The following AGPAT4 variants were observed in gnomAD, a reference collection of about 807,000 sequenced individuals.
AGPAT4 encodes 1-acylglycerol-3-phosphate O-acyltransferase 4.
A neutral mutation model predicts 48.0 loss-of-function variants in AGPAT4; 15 were observed. The observed-to-expected ratio is 0.31, with a 90% CI of 0.21 to 0.48. AGPAT4 has a LOEUF of 0.48. Ranked by LOEUF, AGPAT4 falls within the 20% of genes least tolerant of loss-of-function variation. The pLI is 0.99. For missense variants in AGPAT4, 314 were observed against 482.5 expected, an observed-to-expected ratio of 0.65 and a Z score of 3.27; for synonymous variants, 178 against 198.7, an observed-to-expected ratio of 0.90 and a Z score of 0.88.
intron 2 of AGPAT4, among the ~76,000 whole-genome samples, chr6:161,227,008 A>G (rs1781999549): frequency 6.6e-6 from 1 of 152,194 alleles, no homozygotes; most frequent in Non-Finnish European, 1.5e-5. Context: ...AATGTGCAAA[A>G]AGTACTTTAT....
intron 2 of AGPAT4, among the ~76,000 whole-genome samples, chr6:161,186,004 CT>C (rs1334083111): frequency 6.0e-4 from 92 of 152,284 alleles, no homozygotes; most frequent in African/African-American, 2.0e-3. Context: ...TCTGCCCCTC[CT>C]TTGCTTACTG....
At chr6:161,136,878 A>AATG (rs1779084653) in intron 8 of AGPAT4, among the ~76,000 whole-genome samples, 1 of 152,166 alleles carries the variant, frequency 6.6e-6, no homozygotes, top group East Asian at 1.9e-4. Context: ...CCTGAAGGTG[A>AATG]ATGATTTGGC....
chr6:161,186,901 A>G (rs1292068218), intron 2 of AGPAT4, among the ~76,000 whole-genome samples: 1 of 152,138 alleles, frequency 6.6e-6, no homozygotes, highest in African/African-American at 2.4e-5. Context: ...TCCAAGTTTC[A>G]GTTCAAATAA....
In AGPAT4 at chr6:161,204,719, G is replaced by A. The variant is rs1400290917; in HGVS notation, c.178+27317C>T. Among the ~76,000 whole-genome samples, 1 of 152,060 alleles carries A rather than the reference G, an allele frequency of 6.6e-6. No homozygotes were observed. The highest frequency in any genetic ancestry group is 1.5e-5 in the Non-Finnish European group (1 of 68,014). Reference sequence around the variant, plus strand: ...TTCCCTAAATTCACAGAATATGAGTGCTACAGTGCCAAGCAGAGAGGATAC... The same window carrying A: ...TTCCCTAAATTCACAGAATATGAGTACTACAGTGCCAAGCAGAGAGGATAC... On this transcript the variant is annotated intron_variant, in intron 2 of 8. Coordinates refer to ENST00000320285, the MANE Select transcript of AGPAT4 (RefSeq NM_020133.3). This position sits in a 1 kb window ranked among gnomAD's most constrained non-coding sequence, Gnocchi z 4.4.
Position 161,238,149 on chromosome 6 carries a change from G to A in AGPAT4, c.-89-5847C>T, listed in dbSNP as rs935043381. 7.2e-5 allele frequency among the ~76,000 whole-genome samples: 11 copies of A among 152,148 alleles called. No homozygotes were observed. Among genetic ancestry groups the A allele is most frequent in the Non-Finnish European group, 7.3e-5 (5 of 68,028 alleles). On this transcript the variant is annotated intron_variant, in intron 1 of 8. Transcript: ENST00000320285. This position sits in a 1 kb window ranked among gnomAD's most constrained non-coding sequence, Gnocchi z 5.2. ...GCTTCCGCTGTGGAGAGGGCACTGA[G>A]AGTCAGGCAGTCTGGCTACAAATCC...
At position 161,164,487 on chromosome 6, in the gene AGPAT4, C is replaced by T. The variant is rs1455617690; in HGVS notation, c.348+1761G>A. 3.9e-5 allele frequency among the ~76,000 whole-genome samples: 6 copies of T among 152,256 alleles called. No homozygotes were observed. The highest frequency in any genetic ancestry group is 1.9e-4 in the East Asian group (1 of 5,172). On this transcript the variant is annotated intron_variant, in intron 3 of 8. Transcript: ENST00000320285. The surrounding 1 kb of genome is among the most constrained non-coding windows in gnomAD (Gnocchi z 7.4). ...GGTCCTTACTGCAGCTGGTCTGGGT[C>T]GTTTTAGGATGGTCAGGGTCCTGTT... is the stretch of plus-strand genomic sequence containing the variant.
intron 2 of AGPAT4, among the ~76,000 whole-genome samples, chr6:161,168,629 G>C (rs542450331): frequency 6.6e-6 from 1 of 152,042 alleles, no homozygotes; most frequent in South Asian, 2.1e-4. Flanking sequence ...AACAAATGCC[G>C]CGTGATTACC....
Position 161,154,019 on chromosome 6 carries a change from CTA to C in AGPAT4, c.510+128_510+129del, listed in dbSNP as rs773008062. Reference sequence around the variant, plus strand: ...TACATCCCTGAGGTTATACACAGCCCTATGGTCACACACAGCCCTGGAGTCGC... The same window carrying C: ...TACATCCCTGAGGTTATACACAGCCCTGGTCACACACAGCCCTGGAGTCGC... On this transcript the variant is annotated intron_variant, in intron 4 of 8. Coordinates refer to ENST00000320285, the MANE Select transcript of AGPAT4 (RefSeq NM_020133.3). This position sits in a 1 kb window ranked among gnomAD's most constrained non-coding sequence, Gnocchi z 7.8. The C allele has an allele frequency of 9.6e-6, 12 of 1,252,864 alleles. No individual in the cohort carries two copies. Among genetic ancestry groups the C allele is most frequent in the Non-Finnish European group, 1.4e-5 (12 of 881,120 alleles). The allele number at this position is 1,252,864 out of a possible 1,614,324, so 77.6% of individuals were successfully genotyped here. A position where few individuals can be genotyped will look rare whatever the true frequency, so the allele number is the denominator to read the frequency against.
In AGPAT4 at chr6:161,261,792, G is replaced by A. The variant is rs879937426; in HGVS notation, c.-90+12146C>T. Reference sequence around the variant, plus strand: ...TCTCTTTCTTTATGAGTGGACCTTCGGCTTCTGACTGCATTTTCCTAGCAC... The same window carrying A: ...TCTCTTTCTTTATGAGTGGACCTTCAGCTTCTGACTGCATTTTCCTAGCAC... On this transcript the variant is annotated intron_variant, in intron 1 of 8. Transcript: ENST00000320285. The surrounding 1 kb of genome is among the most constrained non-coding windows in gnomAD (Gnocchi z 5.3). Among the ~76,000 whole-genome samples, 3 of 152,082 alleles carry A rather than the reference G, an allele frequency of 2.0e-5. No individual in the cohort carries two copies. Among genetic ancestry groups the A allele is most frequent in the South Asian group, 2.1e-4 (1 of 4,818 alleles).
intron 2 of AGPAT4, among the ~76,000 whole-genome samples, chr6:161,170,832 C>G (rs1476997121): frequency 1.3e-5 from 2 of 152,178 alleles, no homozygotes; most frequent in African/African-American, 4.8e-5. Context: ...TCTAACTGCT[C>G]AGGGCTCAGG....
intron 2 of AGPAT4, among the ~76,000 whole-genome samples, chr6:161,194,429 A>AGT (rs980053282): frequency 2.1e-5 from 3 of 140,618 alleles, no homozygotes; most frequent in South Asian, 2.2e-4. Context: ...TTTCCAGAGT[A>AGT]GTGTGTGTGT....
rs1262578958 is a variant in AGPAT4 at position 161,138,528 on chromosome 6, C to T, written c.1042+894G>A. ...GCATCAAATTGTCATTAACGATTAT[C>T]TGGGAAGTGGGCTCAATGGGAATGG... On this transcript the variant is annotated intron_variant, in intron 8 of 8. Transcript: ENST00000320285. The surrounding 1 kb of genome is among the most constrained non-coding windows in gnomAD (Gnocchi z 4.8). Among the ~76,000 whole-genome samples, 1 of 152,212 alleles carries T rather than the reference C, an allele frequency of 6.6e-6. No homozygotes were observed. Among genetic ancestry groups the T allele is most frequent in the African/African-American group, 2.4e-5 (1 of 41,456 alleles).
Position 161,240,266 on chromosome 6 carries a change from A to T in AGPAT4, c.-89-7964T>A, listed in dbSNP as rs909479478. 2.8e-4 allele frequency among the ~76,000 whole-genome samples: 39 copies of T among 139,078 alleles called. No individual in the cohort carries two copies. Among genetic ancestry groups the T allele is most frequent in the Admixed American group, 9.9e-4 (14 of 14,076 alleles). The allele number at this position is 139,078 out of a possible 152,430, so 91.2% of individuals were successfully genotyped here. On this transcript the variant is annotated intron_variant, in intron 1 of 8. Transcript: ENST00000320285. This position sits in a 1 kb window ranked among gnomAD's most constrained non-coding sequence, Gnocchi z 5.5. ...CACACACACACACACACACACACAC[A>T]CTTAAACAAGTCTGTCCACCTGGAA...
rs552831270 is a variant in AGPAT4, at chr6:161,171,918, A to C, written c.179-5501T>G. Among the ~76,000 whole-genome samples the C allele has an allele frequency of 6.6e-6, 1 of 152,110 alleles. No homozygotes were observed. The highest frequency in any genetic ancestry group is 2.1e-4 in the South Asian group (1 of 4,818). ...CCATCTCAAAAACAAAAAACAAAAA[A>C]CAAAAAACCAAAAGTTTCCAACACA... On this transcript the variant is annotated intron_variant, in intron 2 of 8. Transcript: ENST00000320285. This position sits in a 1 kb window ranked among gnomAD's most constrained non-coding sequence, Gnocchi z 4.4.
chr6:161,142,678 A>G lies in AGPAT4; in HGVS notation c.844-3058T>C, dbSNP rs1045428625. Reference sequence around the variant, plus strand: ...GAAAAGAACGGGAGGAAGAACAGGAAAGAACGAAGAATAGAAGAGAAAGTT... The same window carrying G: ...GAAAAGAACGGGAGGAAGAACAGGAGAGAACGAAGAATAGAAGAGAAAGTT... On this transcript the variant is annotated intron_variant, in intron 7 of 8. Transcript: ENST00000320285. The surrounding 1 kb of genome is among the most constrained non-coding windows in gnomAD (Gnocchi z 6.4). 3.3e-5 allele frequency among the ~76,000 whole-genome samples: 5 copies of G among 152,202 alleles called. No homozygotes were observed. Among genetic ancestry groups the G allele is most frequent in the African/African-American group, 1.2e-4 (5 of 41,454 alleles).
Position 161,137,668 on chromosome 6 carries a change from A to G in AGPAT4, c.1043-1034T>C, listed in dbSNP as rs571107756. Among the ~76,000 whole-genome samples, 283 of 152,320 alleles carry G rather than the reference A, an allele frequency of 1.9e-3. 2 individuals are homozygous for G. Among genetic ancestry groups the G allele is most frequent in the African/African-American group, 6.6e-3 (273 of 41,582 alleles). On this transcript the variant is annotated intron_variant, in intron 8 of 8. Transcript: ENST00000320285. The surrounding 1 kb of genome is among the most constrained non-coding windows in gnomAD (Gnocchi z 6.1). ...AAAGAACACAAACACAAAGTCCTTC[A>G]GGGAAGAATGCAGTCAGGCGCAGGC...
Position 161,244,688 on chromosome 6 carries a change from G to A in AGPAT4, c.-89-12386C>T, listed in dbSNP as rs1314052820. On this transcript the variant is annotated intron_variant, in intron 1 of 8. Transcript: ENST00000320285. The surrounding 1 kb of genome is among the most constrained non-coding windows in gnomAD (Gnocchi z 4.7). The stretch of plus-strand genomic sequence containing the variant: ...GCGAACTGCATTCTCTGACATCTCC[G>A]ATCCAGTAAAGCCGACAAGGGTGCA... 6.6e-6 allele frequency among the ~76,000 whole-genome samples: 1 copy of A among 152,140 alleles called. No individual in the cohort carries two copies. The highest frequency in any genetic ancestry group is 6.5e-5 in the Admixed American group (1 of 15,272).
intron 2 of AGPAT4, among the ~76,000 whole-genome samples, chr6:161,186,506 C>T (rs1780772779): frequency 6.6e-6 from 1 of 152,164 alleles, no homozygotes; most frequent in South Asian, 2.1e-4. Context: ...ATGTCCACCA[C>T]CGCCTGTCCT....
chr6:161,173,651 C>T (rs1225985098), intron 2 of AGPAT4, among the ~76,000 whole-genome samples: 3 of 152,182 alleles, frequency 2.0e-5, no homozygotes, highest in Non-Finnish European at 4.4e-5. Flanking sequence ...TCAGTTTAAT[C>T]AGATCCCATT....
Sources: allele counts gnomAD v4.1 joint callset (sites outside exome capture counted in the v4.1 genomes callset), GRCh38; gene constraint gnomAD v4.1.1; non-coding constraint Gnocchi (gnomAD v3.1); transcripts MANE v1.5; gene names NCBI Gene and HGNC (gene_info 2026-07-23, HGNC 2026-07-21).